GRM7: variants seen among roughly 807,000 people sequenced by gnomAD.
GRM7 encodes the protein metabotropic glutamate receptor 7.
Under a neutral mutation model 84.5 loss-of-function variants are expected in GRM7, and 35 were observed. The ratio of observed to expected loss-of-function variants is 0.41; its 90% CI spans 0.32 to 0.55. The LOEUF is 0.55. Ranked by LOEUF, GRM7 falls within the 20% of genes least tolerant of loss-of-function variation. The pLI is 0.19. For missense variants in GRM7, 1,003 were observed against 1,194.6 expected, an observed-to-expected ratio of 0.84 and a Z score of 2.36; for synonymous variants, 487 against 455.1, an observed-to-expected ratio of 1.07 and a Z score of -0.89.
chr3:7,724,723 C>G (rs1295311570), intron 9 of GRM7, among the ~76,000 whole-genome samples: 1 of 152,158 alleles, frequency 6.6e-6, no homozygotes, highest in East Asian at 1.9e-4. Context: ...TAATCCCAAA[C>G]CAAGGACCTC....
At chr3:7,066,616 C>A (rs546221667) in intron 1 of GRM7, among the ~76,000 whole-genome samples, 1 of 151,982 alleles carries the variant, frequency 6.6e-6, no homozygotes, top group South Asian at 2.1e-4. Context: ...TGGTACCAAT[C>A]CTTTTGACAC....
At chr3:6,965,249 C>T (rs534812162) in intron 1 of GRM7, among the ~76,000 whole-genome samples, 2 of 152,320 alleles carry the variant, frequency 1.3e-5, no homozygotes, top group East Asian at 3.9e-4. Flanking sequence ...ATCCAGTCTT[C>T]TGTGTCAGAT....
intron 7 of GRM7, among the ~76,000 whole-genome samples, chr3:7,545,672 T>G (rs779735): frequency 0.71 from 108,278 of 151,908 alleles, 38,979 homozygotes; most frequent in African/African-American, 0.79. Flanking sequence ...GGAGGTAGAA[T>G]TCAGCCAAGG....
chr3:7,038,524 G>C (rs1007057363), intron 1 of GRM7, among the ~76,000 whole-genome samples: 1 of 152,140 alleles, frequency 6.6e-6, no homozygotes, highest in South Asian at 2.1e-4. Flanking sequence ...CAGAGCTCAC[G>C]GATAAGGAAG....
chr3:7,259,400 C>A (rs528673111), intron 2 of GRM7, among the ~76,000 whole-genome samples: 10 of 152,228 alleles, frequency 6.6e-5, no homozygotes, highest in African/African-American at 2.2e-4. Flanking sequence ...GCCTAGTACA[C>A]AATAGTTATT....
intron 7 of GRM7, among the ~76,000 whole-genome samples, chr3:7,577,677 A>G (rs1408130654): frequency 6.6e-6 from 1 of 152,186 alleles, no homozygotes; most frequent in East Asian, 1.9e-4. Flanking sequence ...GATAGTCTAA[A>G]TGTCATCTGC....
chr3:7,243,013 T>A (rs1014144686), intron 2 of GRM7, among the ~76,000 whole-genome samples: 1 of 152,108 alleles, frequency 6.6e-6, no homozygotes, highest in African/African-American at 2.4e-5. Flanking sequence ...TTCAGAAATA[T>A]TCAGTGGTGT....
chr3:7,521,707 A>T (rs1164789203), intron 7 of GRM7, among the ~76,000 whole-genome samples: 1 of 151,706 alleles, frequency 6.6e-6, no homozygotes, highest in African/African-American at 2.4e-5. Flanking sequence ...ACATGAGTTC[A>T]TGTCTGATGA....
chr3:7,295,631 A>C (rs372750476), intron 2 of GRM7, among the ~76,000 whole-genome samples: 1 of 152,206 alleles, frequency 6.6e-6, no homozygotes, highest in African/African-American at 2.4e-5. Flanking sequence ...CATGTTTTAT[A>C]GTTTTCAGCA....
intron 1 of GRM7, among the ~76,000 whole-genome samples, chr3:7,012,783 C>G (rs1172525699): frequency 6.6e-6 from 1 of 152,162 alleles, no homozygotes; most frequent in Non-Finnish European, 1.5e-5. Context: ...ACTCTGTTAC[C>G]CAGCTGGAGT....
intron 8 of GRM7, among the ~76,000 whole-genome samples, chr3:7,661,794 C>CAAAA (rs71043686): frequency 0.012 from 330 of 28,192 alleles, 93 homozygotes; most frequent in South Asian, 0.033. Flanking sequence ...GTCTCCGTCT[C>CAAAA]AAAAAAAAAA....
chr3:7,492,527 C>G (rs1009334055), intron 7 of GRM7, among the ~76,000 whole-genome samples: 1 of 152,024 alleles, frequency 6.6e-6, no homozygotes, highest in Non-Finnish European at 1.5e-5. Flanking sequence ...ATTTACCTAT[C>G]TTTTAATGAC....
chr3:7,092,982 C>T (rs1224396340), intron 1 of GRM7, among the ~76,000 whole-genome samples: 1 of 152,096 alleles, frequency 6.6e-6, no homozygotes, highest in Non-Finnish European at 1.5e-5. Context: ...GCTTGGGAGA[C>T]TGAGGTAGGA....
At chr3:7,399,519 G>C (rs1470470418) in intron 4 of GRM7, among the ~76,000 whole-genome samples, 1 of 152,128 alleles carries the variant, frequency 6.6e-6, no homozygotes, top group Non-Finnish European at 1.5e-5. Context: ...TGTGAAATGG[G>C]GATAAGGTAG....
At chr3:6,968,426 A>G (rs1045660177) in intron 1 of GRM7, among the ~76,000 whole-genome samples, 2 of 152,164 alleles carry the variant, frequency 1.3e-5, no homozygotes, top group Non-Finnish European at 2.9e-5. Flanking sequence ...TAGAACTTCA[A>G]ATATATTTTT....
At chr3:6,948,083 C>A (rs186478378) in intron 1 of GRM7, among the ~76,000 whole-genome samples, 34 of 152,176 alleles carry the variant, frequency 2.2e-4, no homozygotes, top group African/African-American at 7.2e-4. Context: ...TTAGTTATTT[C>A]TTGCCTTCTT....
rs565984006 is a variant in GRM7 at position 7,022,846 on chromosome 3, G to A, written c.520-123606G>A. Among the ~76,000 whole-genome samples, 56 of 152,204 alleles carry A rather than the reference G, an allele frequency of 3.7e-4. 2 individuals carry two copies. The South Asian group carries it at 0.01, about 28-fold the overall frequency. ...TTGCTGAAAAATCAACTGACAAAAG[G>A]CAGATTAATAGGAGAAAAAGCATAC... On this transcript the variant is annotated intron_variant, in intron 1 of 9. Transcript: ENST00000357716.
intron 1 of GRM7, among the ~76,000 whole-genome samples, chr3:7,087,846 A>T: frequency 6.6e-6 from 1 of 152,200 alleles, no homozygotes; most frequent in East Asian, 1.9e-4. Context: ...ATAGATGTGT[A>T]ATGACTTTAT....
intron 8 of GRM7, among the ~76,000 whole-genome samples, chr3:7,596,643 C>T (rs1162778836): frequency 2.6e-5 from 4 of 152,094 alleles, no homozygotes; most frequent in African/African-American, 9.7e-5. Flanking sequence ...TCAAATGCTG[C>T]TTAGAAGTAC....
Sources: allele counts gnomAD v4.1 joint callset (sites outside exome capture counted in the v4.1 genomes callset), GRCh38; gene constraint gnomAD v4.1.1; transcripts MANE v1.5; gene names NCBI Gene and HGNC (gene_info 2026-07-23, HGNC 2026-07-21).